HDX: variants seen among roughly 807,000 people sequenced by gnomAD.
HDX encodes highly divergent homeobox, also known as chromosome X open reading frame 43.
Under a neutral mutation model 45.2 loss-of-function variants are expected in HDX, and 19 were observed. The observed-to-expected ratio is 0.42, with a 90% confidence interval of 0.29 to 0.62. The LOEUF (loss-of-function observed/expected upper bound fraction) is 0.62, where lower values mean the gene tolerates loss of function less well. HDX is among the 20% of genes least tolerant of loss of function. The probability of loss-of-function intolerance (pLI) is 0.20; values close to 1 mark genes in which losing one functional copy is unlikely to be tolerated. For synonymous variants in HDX, 188 were observed against 172.8 expected (o/e 1.09, Z -0.69); for missense variants, 532 against 493.9 (o/e 1.08, Z -0.73).
At chrX:84,422,608 G>A (rs1383667566) in intron 5 of HDX, among the ~76,000 whole-genome samples, 4 of 98,460 alleles carry the variant, frequency 4.1e-5, no homozygotes, top group Non-Finnish European at 8.2e-5. Flanking sequence ...GATCGGAGTA[G>A]AAATAAATGC....
chrX:84,496,413 G>A (rs1244077657), intron 1 of HDX, among the ~76,000 whole-genome samples: 1 of 109,880 alleles, frequency 9.1e-6, no homozygotes, highest in Non-Finnish European at 1.9e-5. Flanking sequence ...TTAAAATGCG[G>A]ATTCTGATTC....
At chrX:84,388,762 A>C (rs1264297635) in intron 5 of HDX, among the ~76,000 whole-genome samples, 2 of 112,080 alleles carry the variant, frequency 1.8e-5, no homozygotes, top group East Asian at 5.6e-4. Context: ...ATCTCAGTAC[A>C]CTTCCTTGCC....
At chrX:84,495,132 T>C (rs1477353621) in intron 1 of HDX, among the ~76,000 whole-genome samples, 1 of 107,375 alleles carries the variant, frequency 9.3e-6, no homozygotes, top group Non-Finnish European at 1.9e-5. Context: ...ATATGTGGAA[T>C]CTAAAAAAAA....
chrX:84,344,739 C>T (rs193255194), intron 6 of HDX, among the ~76,000 whole-genome samples: 187 of 110,626 alleles, frequency 1.7e-3, no homozygotes, highest in African/African-American at 5.9e-3. Flanking sequence ...TTATAATGAT[C>T]GAATCATGAT....
At chrX:84,468,394 T>G (rs2040393563) in intron 4 of HDX, 78 bp downstream of exon 4, 1 of 623,575 alleles carries the variant, frequency 1.6e-6, no homozygotes, top group Non-Finnish European at 2.4e-6. Context: ...AATATATGAG[T>G]TAAGTGATCC....
intron 5 of HDX, among the ~76,000 whole-genome samples, chrX:84,435,871 G>A (rs1477208668): frequency 4.6e-5 from 4 of 87,100 alleles, no homozygotes; most frequent in Non-Finnish European, 6.7e-5. Context: ...TCAGTGTGGC[G>A]ATTCCTCAGG....
intron 4 of HDX, among the ~76,000 whole-genome samples, chrX:84,454,334 G>A (rs1453623426): frequency 9.0e-6 from 1 of 111,508 alleles, no homozygotes; most frequent in Non-Finnish European, 1.9e-5. Context: ...CTGTGCCAGA[G>A]GGGATCCCAT....
intron 5 of HDX, among the ~76,000 whole-genome samples, chrX:84,431,758 T>C (rs760387051): frequency 9.0e-6 from 1 of 111,682 alleles, no homozygotes; most frequent in South Asian, 3.7e-4. Context: ...ATACATAGTT[T>C]ACAAATATTT....
chrX:84,384,191 G>A (rs1170302946), intron 5 of HDX, among the ~76,000 whole-genome samples: 2 of 111,045 alleles, frequency 1.8e-5, no homozygotes, highest in African/African-American at 3.3e-5. Context: ...TCTCTTTTCT[G>A]TGCAACCTTG....
At chrX:84,482,728 C>T (rs138670895) in intron 2 of HDX, among the ~76,000 whole-genome samples, 1,128 of 111,080 alleles carry the variant, frequency 0.01, 10 homozygotes, top group African/African-American at 0.035. Flanking sequence ...TTTCAAAACA[C>T]AATCATACCC....
At chrX:84,414,125 T>C (rs2039050043) in intron 5 of HDX, among the ~76,000 whole-genome samples, 1 of 111,713 alleles carries the variant, frequency 9.0e-6, no homozygotes, top group Admixed American at 9.5e-5. Context: ...TGCCAGCTAG[T>C]GAAGTCCAAT....
intron 5 of HDX, among the ~76,000 whole-genome samples, chrX:84,437,802 A>G (rs1602456460): frequency 1.8e-5 from 2 of 111,159 alleles, no homozygotes; most frequent in African/African-American, 6.5e-5. Context: ...AGCCACTTTT[A>G]TCTCTAGGTA....
chrX:84,459,968 A>G lies in HDX; in HGVS notation c.1251+8504T>C, dbSNP rs1357268273. On this transcript the variant is annotated intron_variant, in intron 4 of 10. Transcript: ENST00000373177. ...ACTGAAAAATTTCTAGATACATACA[A>G]CCTACCAAAATTGAACCATTAAAGC... is the stretch of plus-strand genomic sequence containing the variant. Among the ~76,000 whole-genome samples, 3 of 111,508 alleles carry G rather than the reference A, an allele frequency of 2.7e-5. No homozygotes were observed. The Admixed American group carries it at 2.9e-4, about 11-fold the overall frequency.
At chrX:84,368,897 C>A (rs1333519172) in intron 5 of HDX, among the ~76,000 whole-genome samples, 1 of 110,727 alleles carries the variant, frequency 9.0e-6, no homozygotes, top group Non-Finnish European at 1.9e-5. Flanking sequence ...AACCTAGACC[C>A]CTTGCATGCA....
chrX:84,490,432 A>G (rs2040871582), intron 1 of HDX, among the ~76,000 whole-genome samples: 1 of 111,821 alleles, frequency 8.9e-6, no homozygotes, highest in Non-Finnish European at 1.9e-5. Flanking sequence ...TTTTGCTTTT[A>G]CAAATGCTAC....
At chrX:84,336,980 C>T (rs2036978228) in intron 7 of HDX, 100 bp from the exon 8 acceptor site, 2 of 525,014 alleles carry the variant, frequency 3.8e-6, no homozygotes, top group South Asian at 6.9e-5. Flanking sequence ...TATAAAAAGA[C>T]ACAAATGGCA....
intron 5 of HDX, among the ~76,000 whole-genome samples, chrX:84,364,911 C>G (rs1335677101): frequency 9.0e-6 from 1 of 111,072 alleles, no homozygotes; most frequent in African/African-American, 3.3e-5. Flanking sequence ...CCGGGTTCAT[C>G]CATGTTGTCC....
At chrX:84,437,604 G>A (rs762814643) in intron 5 of HDX, among the ~76,000 whole-genome samples, 127 of 110,775 alleles carry the variant, frequency 1.1e-3, no homozygotes, top group Non-Finnish European at 2.0e-3. Flanking sequence ...CCCTACTGGT[G>A]CCACCTAAGA....
At chrX:84,410,898 G>C (rs1008809551) in intron 5 of HDX, among the ~76,000 whole-genome samples, 3 of 111,342 alleles carry the variant, frequency 2.7e-5, no homozygotes, top group Non-Finnish European at 5.7e-5. Context: ...ATCTTGGAGG[G>C]TTGTATGTTT....
Sources: gnomAD v4.1 joint callset for allele counts (sites outside exome capture counted in the v4.1 genomes callset) on GRCh38, gnomAD v4.1.1 for gene constraint, MANE v1.5 for transcripts, NCBI Gene and HGNC (gene_info 2026-07-23, HGNC 2026-07-21) for gene names.